The following GALNTL6 variants were observed in gnomAD, a reference collection of about 807,000 sequenced individuals.
GALNTL6 encodes polypeptide N-acetylgalactosaminyltransferase like 6, also known as polypeptide N-acetylgalactosaminyltransferase-like 6.
In GALNTL6, 46 loss-of-function variants were observed where a neutral mutation model predicts 73.7. The observed-to-expected ratio is 0.62, with a 90% confidence interval of 0.49 to 0.80. The LOEUF (loss-of-function observed/expected upper bound fraction) is 0.80. Ranked by LOEUF, GALNTL6 falls within the 30% of genes least tolerant of loss-of-function variation. The pLI, the probability that GALNTL6 is intolerant of heterozygous loss-of-function variation, is 0.00. For missense variants in GALNTL6, 604 were observed against 755.0 expected (o/e 0.80, Z 2.34); for synonymous variants, 259 against 263.7 (o/e 0.98, Z 0.17).
chr4:171,956,437 T>C (rs532471347), intron 2 of GALNTL6, among the ~76,000 whole-genome samples: 1 of 152,204 alleles, frequency 6.6e-6, no homozygotes, highest in Non-Finnish European at 1.5e-5. Context: ...GGAACTTCTT[T>C]GTATATGACA....
At chr4:173,027,528 A>C (rs549000720) in intron 12 of GALNTL6, among the ~76,000 whole-genome samples, 6 of 152,230 alleles carry the variant, frequency 3.9e-5, no homozygotes, top group Non-Finnish European at 5.9e-5. Context: ...AGCCATACAG[A>C]AAGTAAGCTA....
At chr4:172,300,980 T>C (rs1208295324) in intron 3 of GALNTL6, among the ~76,000 whole-genome samples, 1 of 152,214 alleles carries the variant, frequency 6.6e-6, no homozygotes, top group Non-Finnish European at 1.5e-5. Context: ...TTGGTTCCAT[T>C]CTCCCCGTCA....
intron 2 of GALNTL6, among the ~76,000 whole-genome samples, chr4:172,193,125 A>C (rs1464028909): frequency 6.6e-6 from 1 of 152,186 alleles, no homozygotes; most frequent in Non-Finnish European, 1.5e-5. Flanking sequence ...TCCAGATGAG[A>C]GGGACTACCC....
chr4:171,846,614 A>G (rs989607795), intron 2 of GALNTL6, among the ~76,000 whole-genome samples: 1 of 151,936 alleles, frequency 6.6e-6, no homozygotes, highest in African/African-American at 2.4e-5. Flanking sequence ...AAATCTACCA[A>G]TACTAGATGT....
intron 2 of GALNTL6, among the ~76,000 whole-genome samples, chr4:172,211,178 C>A (rs1736311122): frequency 6.6e-6 from 1 of 152,102 alleles, no homozygotes; most frequent in African/African-American, 2.4e-5. Context: ...TTGCACATTT[C>A]CAGTTCAGTC....
At chr4:172,097,205 A>G (rs1732380678) in intron 2 of GALNTL6, among the ~76,000 whole-genome samples, 1 of 152,174 alleles carries the variant, frequency 6.6e-6, no homozygotes, top group South Asian at 2.1e-4. Flanking sequence ...GTTTGGAGTC[A>G]TTGGGAAGCA....
chr4:172,275,988 C>T (rs1738818400), intron 3 of GALNTL6, among the ~76,000 whole-genome samples: 1 of 152,164 alleles, frequency 6.6e-6, no homozygotes, highest in Non-Finnish European at 1.5e-5. Flanking sequence ...TTCTGCTTCA[C>T]ATGGTTTCCA....
chr4:171,817,905 T>G (rs1734563157), intron 2 of GALNTL6, among the ~76,000 whole-genome samples: 1 of 151,494 alleles, frequency 6.6e-6, no homozygotes, highest in African/African-American at 2.4e-5. Flanking sequence ...AAAAATTATA[T>G]TTTTAAATTT....
chr4:172,334,006 A>G (rs952591170), intron 4 of GALNTL6, among the ~76,000 whole-genome samples: 1 of 151,984 alleles, frequency 6.6e-6, no homozygotes, highest in East Asian at 1.9e-4. Flanking sequence ...TAAATATGTG[A>G]CCTTATTTCT....
At chr4:172,799,064 A>T (rs1340632130) in intron 5 of GALNTL6, among the ~76,000 whole-genome samples, 1 of 152,182 alleles carries the variant, frequency 6.6e-6, no homozygotes, top group Non-Finnish European at 1.5e-5. Context: ...ATTAGCTAAG[A>T]TAATTAAGTT....
chr4:172,538,720 A>G (rs1384343568), intron 5 of GALNTL6, among the ~76,000 whole-genome samples: 1 of 152,218 alleles, frequency 6.6e-6, no homozygotes, highest in Non-Finnish European at 1.5e-5. Flanking sequence ...AAGTATAAAT[A>G]GAAGTATAAC....
intron 3 of GALNTL6, among the ~76,000 whole-genome samples, chr4:172,301,582 T>C (rs1376319310): frequency 1.3e-5 from 2 of 152,206 alleles, no homozygotes; most frequent in Non-Finnish European, 2.9e-5. Flanking sequence ...GTTTTCCTTC[T>C]AACAGTCAGG....
At chr4:172,367,495 C>T (rs868013584) in intron 5 of GALNTL6, among the ~76,000 whole-genome samples, 8 of 152,030 alleles carry the variant, frequency 5.3e-5, no homozygotes, top group Non-Finnish European at 7.4e-5. Context: ...GATAACTCCA[C>T]GTAGCCAAGA....
intron 2 of GALNTL6, among the ~76,000 whole-genome samples, chr4:172,131,150 T>C (rs1416756984): frequency 1.3e-5 from 2 of 151,826 alleles, no homozygotes; most frequent in East Asian, 1.9e-4. Flanking sequence ...AGAAAATATA[T>C]GTAAGTACTG....
intron 5 of GALNTL6, among the ~76,000 whole-genome samples, chr4:172,378,110 T>C (rs768524266): frequency 1.4e-4 from 21 of 152,228 alleles, no homozygotes; most frequent in Non-Finnish European, 3.1e-4. Flanking sequence ...GTGACTATCA[T>C]ACTTTTCCAG....
chr4:172,824,420 G>A (rs1480037553), intron 7 of GALNTL6, among the ~76,000 whole-genome samples: 1 of 151,214 alleles, frequency 6.6e-6, no homozygotes. Context: ...TCATGTGTGT[G>A]TGTGCACATA....
In GALNTL6 at chr4:172,474,179, G is replaced by A. The variant is rs112338996; in HGVS notation, c.553+125490G>A. Among the ~76,000 whole-genome samples, 463 of 151,942 alleles carry A rather than the reference G, an allele frequency of 3.0e-3. 2 individuals are homozygous for A. Among genetic ancestry groups the A allele is most frequent in the African/African-American group, 0.01 (429 of 41,410 alleles). Reference sequence around the variant, plus strand: ...TAGAGTGCTCTTTTCTCAGATATTTGCTTGGCTAATTCCAATTCTCACACA... The same window carrying A: ...TAGAGTGCTCTTTTCTCAGATATTTACTTGGCTAATTCCAATTCTCACACA... On this transcript the variant is annotated intron_variant, in intron 5 of 12. Transcript: ENST00000506823.
intron 10 of GALNTL6, among the ~76,000 whole-genome samples, chr4:172,961,970 G>A (rs1750078726): frequency 6.6e-6 from 1 of 152,186 alleles, no homozygotes; most frequent in African/African-American, 2.4e-5. Flanking sequence ...ATTTCACCAG[G>A]GTGCAGGTGG....
chr4:172,890,173 A>G (rs1404407327), intron 8 of GALNTL6, among the ~76,000 whole-genome samples: 2 of 151,978 alleles, frequency 1.3e-5, no homozygotes, highest in Non-Finnish European at 2.9e-5. Context: ...CTAGCGGTCT[A>G]TTGATCTTGT....
Sources: allele counts gnomAD v4.1 joint callset (sites outside exome capture counted in the v4.1 genomes callset), GRCh38; gene constraint gnomAD v4.1.1; transcripts MANE v1.5; gene names NCBI Gene and HGNC (gene_info 2026-07-23, HGNC 2026-07-21).